The following IFNA6 variants were observed in gnomAD, a reference collection of about 807,000 sequenced individuals.
The protein encoded by IFNA6 is interferon alpha-6.
For synonymous variants in IFNA6, 96 were observed against 79.2 expected (o/e 1.21, Z -1.13); for missense variants, 235 against 212.4 (o/e 1.11, Z -0.66).
chr9:21,350,736 G>C (rs375617147), exon 1 of IFNA6: 2 of 1,613,904 alleles, frequency 1.2e-6, no homozygotes, highest in Non-Finnish European at 1.7e-6. Flanking sequence ...CTTCAGACAG[G>C]AGAAAAGAGA....
At chr9:21,350,772 A>G (rs763506434) in exon 1 of IFNA6, 17 of 1,614,022 alleles carry the variant, frequency 1.1e-5, no homozygotes, top group Non-Finnish European at 1.4e-5. Flanking sequence ...TGCCAGGAGC[A>G]TCATGGTCCT....
exon 1 of IFNA6, chr9:21,350,731 G>T (rs1309947043): frequency 3.1e-6 from 5 of 1,614,034 alleles, no homozygotes; most frequent in Non-Finnish European, 2.5e-6. Context: ...CTGTCCTTCA[G>T]ACAGGAGAAA....
chr9:21,350,510 C>A (rs1464604377), exon 1 of IFNA6: 1 of 1,614,014 alleles, frequency 6.2e-7, no homozygotes, highest in Non-Finnish European at 8.5e-7. Flanking sequence ...CCACCCACAC[C>A]TCCTGCATCA....
exon 1 of IFNA6, chr9:21,350,558 A>C (rs765747625): frequency 8.1e-6 from 13 of 1,613,890 alleles, no homozygotes; most frequent in Non-Finnish European, 1.1e-5. Flanking sequence ...GGTAAAGTTC[A>C]GTATAGAGTT....
At position 21,350,604 on chromosome 9, in the gene IFNA6, T is replaced by C. The variant is rs76096785; in HGVS notation, c.284A>G (p.Asp95Gly). ...CCTCTCATCCCAAGCAACAGATGAG[T>C]CCTTTGTGCTGAAGAGGTTGAAGGT... is the stretch of plus-strand genomic sequence containing the variant. Residue 95 changes from aspartate (D) to glycine (G), a missense_variant, in exon 1 of 1, where the codon GAC becomes GGC. Coordinates refer to ENST00000380210, the Ensembl canonical transcript of IFNA6. 3,637 of 1,613,866 alleles carry C rather than the reference T, an allele frequency of 2.3e-3. 26 individuals carry two copies. The highest frequency in any genetic ancestry group is 0.017 in the African/African-American group (1,295 of 74,994).
At chr9:21,350,452 A>T (rs1400971128) in exon 1 of IFNA6, 14 of 1,613,926 alleles carry the variant, frequency 8.7e-6, no homozygotes, top group Non-Finnish European at 1.2e-5. Flanking sequence ...CTTTGGAAGT[A>T]TTTTCTCACA....
chr9:21,350,374 T>C, exon 1 of IFNA6: 1 of 1,604,346 alleles, frequency 6.2e-7, no homozygotes, highest in Non-Finnish European at 8.5e-7. Flanking sequence ...AAGGATCTCA[T>C]GATTTCTGCT....
exon 1 of IFNA6, chr9:21,350,691 A>C: frequency 6.2e-7 from 1 of 1,614,038 alleles, no homozygotes; most frequent in East Asian, 2.2e-5. Context: ...GTTGCCATCA[A>C]ACTCCTCCTG....
chr9:21,350,786 G>C, exon 1 of IFNA6: 11 of 1,613,942 alleles, frequency 6.8e-6, no homozygotes, highest in Non-Finnish European at 7.6e-6. Context: ...TGGTCCTCCT[G>C]TGACCCAGGC....
exon 1 of IFNA6, chr9:21,350,526 G>A: frequency 1.9e-6 from 3 of 1,613,964 alleles, no homozygotes; most frequent in Non-Finnish European, 2.5e-6. Context: ...CATCACACAG[G>A]CTTCCAGGTC....
rs61736255 is a variant in IFNA6, at chr9:21,350,732, A to G, written c.156T>C (p.Cys52=). 3.4e-3 allele frequency: 5,557 copies of G among 1,613,554 alleles called. 23 individuals carry two copies. The highest frequency in any genetic ancestry group is 4.3e-3 in the Non-Finnish European group (5,084 of 1,179,450). ...ATCTGAAGTCATGTCTGTCCTTCAG[A>G]CAGGAGAAAAGAGAGATTCTCCTCA... Residue 52 remains cysteine (C), a synonymous_variant, in exon 1 of 1, where the codon TGT becomes TGC. Transcript: ENST00000380210.
chr9:21,350,783 C>A lies in IFNA6; in HGVS notation c.105G>T (p.Arg35Ser), dbSNP rs773491904. The A allele has an allele frequency of 1.1e-5, 17 of 1,613,866 alleles. No homozygotes were observed. The highest frequency in any genetic ancestry group is 1.4e-5 in the Non-Finnish European group (16 of 1,179,946). ...TTTGTGCCAGGAGCATCATGGTCCT[C>A]CTGTGACCCAGGCTGTGGGTCTGAG... The change falls in exon 1 of 1, where the codon AGG becomes AGT. Residue 35 changes from arginine to serine, a missense_variant. Physicochemically the swap from Arg to Ser is moderately radical, Grantham distance 110. Coordinates refer to ENST00000380210, the Ensembl canonical transcript of IFNA6.
chr9:21,350,398 A>G lies in IFNA6; in HGVS notation c.490T>C (p.Trp164Arg), dbSNP rs758585517. 24 of 1,613,620 alleles carry G rather than the reference A, an allele frequency of 1.5e-5. No homozygotes were observed. In the South Asian group the frequency reaches 2.5e-4, roughly 17 times the overall value. The stretch of plus-strand genomic sequence containing the variant: ...ATGATTTCTGCTCTGACAACCTCCC[A>G]GGCACAAGGGCTGTACTTTTTCTCT... The change falls in exon 1 of 1, where the codon TGG becomes CGG. Residue 164 changes from tryptophan (W) to arginine (R), a missense_variant. Coordinates refer to ENST00000380210, the Ensembl canonical transcript of IFNA6.
At chr9:21,350,831 G>A (rs1820444586) in exon 1 of IFNA6, 3 of 1,613,814 alleles carry the variant, frequency 1.9e-6, no homozygotes, top group South Asian at 2.2e-5. Flanking sequence ...CCAGAGAGCA[G>A]CTTGACTTGC....
At position 21,350,532 on chromosome 9, in the gene IFNA6, A is replaced by G. The variant is rs1330950891; in HGVS notation, c.356T>C (p.Leu119Pro). 1.9e-6 allele frequency: 3 copies of G among 1,614,000 alleles called. No individual in the cohort carries two copies. In the South Asian group the frequency reaches 3.3e-5, roughly 18 times the overall value. The change falls in exon 1 of 1, where the codon CTG becomes CCG. Residue 119 changes from leucine to proline, a missense_variant. Leu to Pro is a moderately conservative substitution (Grantham distance 98). Transcript: ENST00000380210. ...CACCTCCTGCATCACACAGGCTTCC[A>G]GGTCATTCAGCTGCTGGTAAAGTTC...
At chr9:21,350,479 CAT>C in the IFNA6 span, 2 of 1,614,048 alleles carry the variant, frequency 1.2e-6, no homozygotes, top group Non-Finnish European at 1.7e-6. Context: ...ATGGAGTCCT[CAT>C]TCATCAGGGG....
At chr9:21,350,575 G>A in exon 1 of IFNA6, 1 of 1,613,938 alleles carries the variant, frequency 6.2e-7, no homozygotes, top group Non-Finnish European at 8.5e-7. Flanking sequence ...AGTTTGTCTA[G>A]AAGCCTCTCA....
At position 21,350,701 on chromosome 9, in the gene IFNA6, G is replaced by T. The variant is rs370196139; in HGVS notation, c.187C>A (p.Gln63Lys). The change falls in exon 1 of 1, where the codon CAG becomes AAG. Residue 63 changes from glutamine (Q) to lysine (K), a missense_variant. Transcript: ENST00000380210. The stretch of plus-strand genomic sequence containing the variant: ...AACTGGTTGCCATCAAACTCCTCCT[G>T]GGGAAATCTGAAGTCATGTCTGTCC... 1.6e-5 allele frequency: 26 copies of T among 1,614,006 alleles called. No individual in the cohort carries two copies. The South Asian group carries it at 2.9e-4, about 18-fold the overall frequency.
chr9:21,350,412 T>C, exon 1 of IFNA6: 1 of 1,614,034 alleles, frequency 6.2e-7, no homozygotes, highest in South Asian at 1.1e-5. Context: ...ACAAGGGCTG[T>C]ACTTTTTCTC....
Sources: allele counts gnomAD v4.1 joint callset, GRCh38; gene constraint gnomAD v4.1.1; transcripts MANE v1.5; gene names NCBI Gene and HGNC (gene_info 2026-07-23, HGNC 2026-07-21).